Variants in RBPMS observed in about 807,000 individuals in gnomAD.
RBPMS encodes the protein RNA binding protein, mRNA processing factor.
RBPMS carries 7 observed loss-of-function variants against 26.8 expected under a neutral mutation model. The observed-to-expected ratio is 0.26, with a 90% confidence interval of 0.15 to 0.49. The LOEUF is 0.49. Ranked by LOEUF, RBPMS falls within the 20% of genes least tolerant of loss-of-function variation. The probability of loss-of-function intolerance (pLI) is 0.98; values close to 1 mark genes in which losing one functional copy is unlikely to be tolerated. For missense variants in RBPMS, 186 were observed against 250.0 expected, an observed-to-expected ratio of 0.74 and a Z score of 1.73; for synonymous variants, 96 against 93.3, an observed-to-expected ratio of 1.03 and a Z score of -0.17.
chr8:30,448,980 T>C (rs947779104), intron 1 of RBPMS, among the ~76,000 whole-genome samples: 2 of 152,234 alleles, frequency 1.3e-5, no homozygotes, highest in Non-Finnish European at 1.5e-5. Flanking sequence ...ACTCAGCCCC[T>C]GGGATTGAAG....
intron 7 of RBPMS, among the ~76,000 whole-genome samples, chr8:30,559,991 G>A (rs911269190): frequency 1.6e-4 from 25 of 152,206 alleles, no homozygotes; most frequent in Admixed American, 1.4e-3. Flanking sequence ...CTTCTGGAGA[G>A]GCATTCTGTG....
intron 3 of RBPMS, among the ~76,000 whole-genome samples, chr8:30,478,494 G>A (rs937539431): frequency 1.6e-4 from 24 of 149,542 alleles, no homozygotes; most frequent in African/African-American, 5.9e-4. Context: ...GCCTAATTAA[G>A]AATATGATTT....
intron 1 of RBPMS, among the ~76,000 whole-genome samples, chr8:30,391,965 T>A (rs1184187873): frequency 6.6e-6 from 1 of 152,020 alleles, no homozygotes; most frequent in African/African-American, 2.4e-5. Flanking sequence ...ATTATGATGA[T>A]TGTGCTGCTT....
chr8:30,522,844 ATATACT>A (rs1208323295), intron 5 of RBPMS, among the ~76,000 whole-genome samples: 2 of 152,218 alleles, frequency 1.3e-5, no homozygotes, highest in African/African-American at 4.8e-5. Context: ...GTTTTTTGTC[ATATACT>A]TATTAACCAT....
chr8:30,450,627 GAGA>G (rs1491000803), intron 1 of RBPMS, among the ~76,000 whole-genome samples: 3 of 152,174 alleles, frequency 2.0e-5, no homozygotes, highest in Non-Finnish European at 4.4e-5. Context: ...ACACTTGAAA[GAGA>G]AGAAGTCATC....
chr8:30,463,716 C>G (rs1255263913), intron 1 of RBPMS, among the ~76,000 whole-genome samples: 1 of 152,182 alleles, frequency 6.6e-6, no homozygotes, highest in East Asian at 1.9e-4. Flanking sequence ...TATGAGGAAA[C>G]TTAGGAAGGG....
intron 1 of RBPMS, among the ~76,000 whole-genome samples, chr8:30,393,810 T>A (rs557232275): frequency 4.6e-5 from 7 of 151,946 alleles, no homozygotes; most frequent in South Asian, 4.2e-4. Flanking sequence ...TGAGCCACCA[T>A]GCCTGGCCAT....
chr8:30,557,025 C>T (rs1458932415), intron 6 of RBPMS, among the ~76,000 whole-genome samples: 1 of 152,176 alleles, frequency 6.6e-6, no homozygotes, highest in Non-Finnish European at 1.5e-5. Flanking sequence ...GGGAGTGACC[C>T]CAGCCCTGCC....
chr8:30,532,447 T>G (rs909712524), intron 5 of RBPMS, among the ~76,000 whole-genome samples: 2 of 152,248 alleles, frequency 1.3e-5, no homozygotes, highest in Non-Finnish European at 2.9e-5. Flanking sequence ...AGTAACTATA[T>G]GCATGTCAAA....
intron 3 of RBPMS, among the ~76,000 whole-genome samples, chr8:30,478,232 C>T (rs1471115496): frequency 6.6e-6 from 1 of 152,142 alleles, no homozygotes; most frequent in African/African-American, 2.4e-5. Context: ...TAAATTAAGG[C>T]AGAGTCCCGA....
chr8:30,549,004 T>A (rs1826079345), intron 6 of RBPMS, among the ~76,000 whole-genome samples: 1 of 152,172 alleles, frequency 6.6e-6, no homozygotes, highest in African/African-American at 2.4e-5. Flanking sequence ...CACAGCTCCT[T>A]AGGAGTCGCC....
intron 1 of RBPMS, among the ~76,000 whole-genome samples, chr8:30,389,681 CTCTA>C (rs764047061): frequency 4.9e-4 from 75 of 152,234 alleles, no homozygotes; most frequent in Middle Eastern, 3.4e-3. Context: ...TTCAGAGGCA[CTCTA>C]TCTAACATGG....
At chr8:30,389,250 C>T (rs1211969638) in intron 1 of RBPMS, among the ~76,000 whole-genome samples, 1 of 152,208 alleles carries the variant, frequency 6.6e-6, no homozygotes, top group Admixed American at 6.5e-5. Context: ...TGACCCCTGT[C>T]AATATGGCAT....
chr8:30,387,498 C>T (rs1258838592), intron 1 of RBPMS, among the ~76,000 whole-genome samples: 1 of 152,150 alleles, frequency 6.6e-6, no homozygotes, highest in Non-Finnish European at 1.5e-5. Context: ...CTGACCCTTT[C>T]CCTGCCCACC....
At chr8:30,429,253 G>A (rs1467673875) in intron 1 of RBPMS, among the ~76,000 whole-genome samples, 3 of 152,208 alleles carry the variant, frequency 2.0e-5, no homozygotes, top group Non-Finnish European at 4.4e-5. Flanking sequence ...GGATGGCCAC[G>A]TGGCTGGCTG....
intron 1 of RBPMS, among the ~76,000 whole-genome samples, chr8:30,392,981 C>T (rs918177934): frequency 6.6e-6 from 1 of 151,962 alleles, no homozygotes. Flanking sequence ...AAATGGAATT[C>T]CTGCTTTCTA....
At chr8:30,435,814 A>AT (rs1812393674) in intron 1 of RBPMS, among the ~76,000 whole-genome samples, 1 of 152,106 alleles carries the variant, frequency 6.6e-6, no homozygotes, top group African/African-American at 2.4e-5. Context: ...GATAATTATT[A>AT]TTTTTTAAGA....
chr8:30,518,591 A>AT (rs1449347230), intron 5 of RBPMS, among the ~76,000 whole-genome samples: 31 of 127,792 alleles, frequency 2.4e-4, no homozygotes, highest in South Asian at 1.0e-3. Flanking sequence ...ACGCCCAGCT[A>AT]TTTTTTTTGT....
chr8:30,430,297 G>C (rs188641674), intron 1 of RBPMS, among the ~76,000 whole-genome samples: 14 of 152,280 alleles, frequency 9.2e-5, no homozygotes, highest in African/African-American at 2.6e-4. Context: ...GTTGTCAATA[G>C]AGAAGAGAAT....
Sources: gnomAD v4.1 joint callset for allele counts (sites outside exome capture counted in the v4.1 genomes callset) on GRCh38, gnomAD v4.1.1 for gene constraint, MANE v1.5 for transcripts, NCBI Gene and HGNC (gene_info 2026-07-23, HGNC 2026-07-21) for gene names.